ANXA8: variants seen among roughly 807,000 people sequenced by gnomAD.
ANXA8 encodes VAC-beta.
Under a neutral mutation model 26.8 loss-of-function variants are expected in ANXA8, and 9 were observed. That is an observed-to-expected ratio of 0.34 (90% CI 0.20 to 0.59). ANXA8 has a LOEUF of 0.59. Among genes scored for constraint, ANXA8 ranks in the 20% least tolerant of loss-of-function variants. The pLI is 0.84. For missense variants in ANXA8, 83 were observed against 238.5 expected (o/e 0.35, Z 4.29); for synonymous variants, 39 against 94.8 (o/e 0.41, Z 3.42).
the ANXA8 span, among the ~76,000 whole-genome samples, chr10:47,873,097 CTG>C: frequency 2.6e-5 from 2 of 77,618 alleles, no homozygotes; most frequent in Non-Finnish European, 5.4e-5. Flanking sequence ...TGGTTTCCCC[CTG>C]TGTCTACCTG....
At chr10:47,881,905 G>A in the ANXA8 span, among the ~76,000 whole-genome samples, 1 of 152,244 alleles carries the variant, frequency 6.6e-6, no homozygotes, top group Non-Finnish European at 1.5e-5. Context: ...GTGTGAATAT[G>A]CCTGTGTGTA....
chr10:47,478,759 C>A, intron 2 of ANXA8, 132 bp from the exon 3 acceptor site: 1 of 396,146 alleles, frequency 2.5e-6, no homozygotes, highest in South Asian at 2.3e-5. Context: ...GTTCCAAACC[C>A]CCAGACCATT....
the ANXA8 span, among the ~76,000 whole-genome samples, chr10:47,981,157 T>A: frequency 6.6e-6 from 1 of 151,688 alleles, no homozygotes; most frequent in Admixed American, 6.6e-5. Context: ...CATAATAAAA[T>A]AAATCTAATT....
chr10:47,691,006 C>T, the ANXA8 span: 2 of 1,611,030 alleles, frequency 1.2e-6, no homozygotes, highest in Non-Finnish European at 1.7e-6. Context: ...TAATAAAAAA[C>T]TGTGATTCTA....
the ANXA8 span, chr10:47,489,767 A>G: frequency 1.9e-6 from 1 of 523,436 alleles, no homozygotes; most frequent in Non-Finnish European, 3.3e-6. Flanking sequence ...GGCTCAGAGC[A>G]GGCCCACTGC....
chr10:47,603,213 A>G, the ANXA8 span, among the ~76,000 whole-genome samples: 1 of 147,172 alleles, frequency 6.8e-6, no homozygotes, highest in East Asian at 1.9e-4. Context: ...ATAAAATATA[A>G]CATGTCAAAT....
chr10:47,657,287 C>T, the ANXA8 span, among the ~76,000 whole-genome samples: 1 of 151,668 alleles, frequency 6.6e-6, no homozygotes, highest in Admixed American at 6.6e-5. Context: ...CAGTCTCAAA[C>T]TCCTGAGTAG....
At chr10:47,566,410 C>A in the ANXA8 span, among the ~76,000 whole-genome samples, 2 of 151,668 alleles carry the variant, frequency 1.3e-5, no homozygotes, top group Non-Finnish European at 2.9e-5. Flanking sequence ...ACTTTCTTGC[C>A]ACAAACTGAG....
chr10:47,615,088 GT>G, the ANXA8 span, among the ~76,000 whole-genome samples: 3 of 71,880 alleles, frequency 4.2e-5, no homozygotes, highest in African/African-American at 1.2e-4. Flanking sequence ...AGGCAATACT[GT>G]GTTTTAGTTT....
At chr10:47,955,416 T>A in the ANXA8 span, among the ~76,000 whole-genome samples, 1 of 149,362 alleles carries the variant, frequency 6.7e-6, no homozygotes, top group Admixed American at 6.7e-5. Context: ...TGTGTGAACA[T>A]CATAGAGTGT....
chr10:47,733,321 C>T, the ANXA8 span, among the ~76,000 whole-genome samples: 1 of 76,304 alleles, frequency 1.3e-5, no homozygotes, highest in African/African-American at 5.4e-5. Context: ...TCTCCCTCTC[C>T]CTCTCTCTCT....
At chr10:47,710,264 A>G in the ANXA8 span, 3 of 1,512,254 alleles carry the variant, frequency 2.0e-6, no homozygotes, top group Admixed American at 6.7e-5. Flanking sequence ...ACTTACTGGC[A>G]TATGTGTCCT....
chr10:47,755,101 C>T, the ANXA8 span, among the ~76,000 whole-genome samples: 74 of 150,468 alleles, frequency 4.9e-4, 1 homozygote, highest in South Asian at 3.4e-3. Context: ...GGCCTACAGG[C>T]GTGCACCACC....
At chr10:47,939,025 C>T in the ANXA8 span, among the ~76,000 whole-genome samples, 1 of 144,726 alleles carries the variant, frequency 6.9e-6, no homozygotes, top group African/African-American at 2.7e-5. Flanking sequence ...CCAAGCCCCA[C>T]AAGAGTGTTC....
chr10:47,947,545 G>T, the ANXA8 span, among the ~76,000 whole-genome samples: 1 of 150,428 alleles, frequency 6.6e-6, no homozygotes. Context: ...GGAGAGGCCT[G>T]GGGGGAGATG....
chr10:47,691,330 T>G, the ANXA8 span: 1 of 797,246 alleles, frequency 1.3e-6, no homozygotes, highest in Non-Finnish European at 1.9e-6. Context: ...TCTTTAGTCA[T>G]TTGCCTCTTC....
chr10:47,923,692 A>G, the ANXA8 span, among the ~76,000 whole-genome samples: 2 of 40,080 alleles, frequency 5.0e-5, 1 homozygote, highest in Admixed American at 4.1e-4. Flanking sequence ...CAGGAATTCC[A>G]GGACTCATTT....
chr10:47,583,998 G>T, the ANXA8 span, among the ~76,000 whole-genome samples: 1 of 118,118 alleles, frequency 8.5e-6, no homozygotes, highest in Non-Finnish European at 1.7e-5. Flanking sequence ...TGGGCACCCT[G>T]GCGAAACCCC....
chr10:47,688,087 G>C, the ANXA8 span, among the ~76,000 whole-genome samples: 1 of 150,420 alleles, frequency 6.6e-6, no homozygotes, highest in Non-Finnish European at 1.5e-5. Flanking sequence ...GGTGACAAGA[G>C]CAAAACTCTG....
Sources: allele counts gnomAD v4.1 joint callset (sites outside exome capture counted in the v4.1 genomes callset), GRCh38; gene constraint gnomAD v4.1.1; transcripts MANE v1.5; gene names NCBI Gene and HGNC (gene_info 2026-07-23, HGNC 2026-07-21).